MINDY4: variants seen among roughly 807,000 people sequenced by gnomAD.
The protein encoded by MINDY4 is probable ubiquitin carboxyl-terminal hydrolase MINDY-4.
In MINDY4, 68 loss-of-function variants were observed where a neutral mutation model predicts 87.0. That is an observed-to-expected ratio of 0.78 (90% CI 0.64 to 0.96). MINDY4 has a LOEUF of 0.96. Among genes scored for constraint, MINDY4 ranks in the 40% least tolerant of loss-of-function variants. The probability of loss-of-function intolerance (pLI) is 0.00; values close to 1 mark genes in which losing one functional copy is unlikely to be tolerated. For missense variants in MINDY4, 919 were observed against 928.2 expected, an observed-to-expected ratio of 0.99 and a Z score of 0.13; for synonymous variants, 379 against 363.2, an observed-to-expected ratio of 1.04 and a Z score of -0.50.
At chr7:30,788,061 G>A (rs1337711714) in intron 4 of MINDY4, among the ~76,000 whole-genome samples, 1 of 151,912 alleles carries the variant, frequency 6.6e-6, no homozygotes, top group African/African-American at 2.4e-5. Flanking sequence ...GCATTTTTTT[G>A]CAGATCTCTT....
intron 7 of MINDY4, among the ~76,000 whole-genome samples, chr7:30,837,565 C>G (rs1254305615): frequency 1.3e-5 from 2 of 152,188 alleles, no homozygotes; most frequent in East Asian, 3.9e-4. Flanking sequence ...CCCCCTTCTT[C>G]CATTCTCTCT....
At chr7:30,824,180 T>C (rs1307090848) in intron 5 of MINDY4, among the ~76,000 whole-genome samples, 1 of 152,232 alleles carries the variant, frequency 6.6e-6, no homozygotes, top group Non-Finnish European at 1.5e-5. Flanking sequence ...TCACATCTAA[T>C]GAGGGCCTTC....
chr7:30,829,499 C>G (rs953374989), intron 6 of MINDY4, among the ~76,000 whole-genome samples: 1 of 152,210 alleles, frequency 6.6e-6, no homozygotes, highest in Non-Finnish European at 1.5e-5. Context: ...CTCTTCATCT[C>G]CCTTTTGAAC....
chr7:30,846,380 A>G (rs1032713302), intron 9 of MINDY4, among the ~76,000 whole-genome samples: 7 of 152,242 alleles, frequency 4.6e-5, no homozygotes, highest in African/African-American at 1.7e-4. Context: ...AGGATGTATT[A>G]TTCCCTCAAG....
Position 30,850,399 on chromosome 7 carries a change from C to A in MINDY4, c.1446-55C>A, listed in dbSNP as rs1325583697. Reference sequence around the variant, plus strand: ...CCTGACCACACTAAGTAGAGCTGCACCATCTCAACCTTGTGTCCACATGGG... The same window carrying A: ...CCTGACCACACTAAGTAGAGCTGCAACATCTCAACCTTGTGTCCACATGGG... On this transcript the variant is annotated intron_variant, in intron 9 of 17. Transcript: ENST00000265299. 12 of 1,491,890 alleles carry A rather than the reference C, an allele frequency of 8.0e-6. No homozygotes were observed. In the East Asian group the frequency reaches 2.4e-4, roughly 29 times the overall value. 92.4% of individuals were successfully genotyped at this position (1,491,890 alleles called of 1,614,324 possible). A position where few individuals can be genotyped will look rare whatever the true frequency, so the allele number is the denominator to read the frequency against.
At chr7:30,828,875 G>C in intron 6 of MINDY4, 138 bp downstream of exon 6, 1 of 726,582 alleles carries the variant, frequency 1.4e-6, no homozygotes, top group Non-Finnish European at 2.4e-6. Context: ...AGTGAGTAGA[G>C]TAGACTACTC....
intron 17 of MINDY4, among the ~76,000 whole-genome samples, chr7:30,888,041 C>T (rs1320723420): frequency 6.6e-6 from 1 of 152,216 alleles, no homozygotes; most frequent in African/African-American, 2.4e-5. Context: ...GCTTTGAACT[C>T]AGGCCTGCTG....
chr7:30,829,305 T>C (rs1366329489), intron 6 of MINDY4, among the ~76,000 whole-genome samples: 2 of 152,222 alleles, frequency 1.3e-5, no homozygotes, highest in African/African-American at 4.8e-5. Context: ...TCTCTTTCTG[T>C]AATTCCCTAC....
intron 5 of MINDY4, among the ~76,000 whole-genome samples, chr7:30,800,388 G>T (rs1195304679): frequency 6.6e-6 from 1 of 152,224 alleles, no homozygotes; most frequent in Non-Finnish European, 1.5e-5. Context: ...GACATGTGCA[G>T]CCCTCTGCAA....
rs111845293 is a variant in MINDY4, at chr7:30,819,122, C to T, written c.1074-9557C>T. Reference sequence around the variant, plus strand: ...CTCTTTTGGTCTATTCTGTTGTTCTCTTTTGCTGGGGGATGCTTACTTTGC... The same window carrying T: ...CTCTTTTGGTCTATTCTGTTGTTCTTTTTTGCTGGGGGATGCTTACTTTGC... On this transcript the variant is annotated intron_variant, in intron 5 of 17. Coordinates refer to ENST00000265299, the MANE Select transcript of MINDY4 (RefSeq NM_032222.3). Among the ~76,000 whole-genome samples the T allele has an allele frequency of 1.4e-3, 213 of 152,152 alleles. 2 individuals are homozygous for T. Among genetic ancestry groups the T allele is most frequent in the African/African-American group, 5.0e-3 (209 of 41,512 alleles).
intron 3 of MINDY4, among the ~76,000 whole-genome samples, chr7:30,784,045 C>T (rs892060742): frequency 6.6e-6 from 1 of 152,132 alleles, no homozygotes; most frequent in Non-Finnish European, 1.5e-5. Flanking sequence ...AAAAGCACTT[C>T]CTTTCCTGAG....
intron 5 of MINDY4, among the ~76,000 whole-genome samples, chr7:30,807,256 A>C (rs1787840281): frequency 6.6e-6 from 1 of 152,106 alleles, no homozygotes; most frequent in Non-Finnish European, 1.5e-5. Flanking sequence ...TGCTGTATGG[A>C]GGGCAAATGA....
In MINDY4 at chr7:30,804,661, A is replaced by G. The variant is rs537647660; in HGVS notation, c.1073+13087A>G. Among the ~76,000 whole-genome samples the G allele has an allele frequency of 7.9e-5, 12 of 152,322 alleles. No individual in the cohort carries two copies. The South Asian group carries it at 2.5e-3, about 32-fold the overall frequency. On this transcript the variant is annotated intron_variant, in intron 5 of 17. Coordinates refer to ENST00000265299, the MANE Select transcript of MINDY4 (RefSeq NM_032222.3). ...TCCTCACTATCTGACTGGCCCTCTT[A>G]TAGGAGCTTTGGATGTATTACTTCA...
chr7:30,850,052 G>A lies in MINDY4; in HGVS notation c.1446-402G>A, dbSNP rs192898536. Reference sequence around the variant, plus strand: ...CTCCAGAGGCTTGGAGGTGGGCATGGCCAGGGCCAGGGCAGGGTCCTGAGA... The same window carrying A: ...CTCCAGAGGCTTGGAGGTGGGCATGACCAGGGCCAGGGCAGGGTCCTGAGA... On this transcript the variant is annotated intron_variant, in intron 9 of 17. Transcript: ENST00000265299. 4.1e-3 allele frequency among the ~76,000 whole-genome samples: 622 copies of A among 152,316 alleles called. 1 individual carries two copies. Among genetic ancestry groups the A allele is most frequent in the African/African-American group, 0.014 (592 of 41,574 alleles).
chr7:30,882,890 GAC>G lies in MINDY4; in HGVS notation c.2153-29_2153-28del, dbSNP rs1790514909. 6.2e-6 allele frequency: 10 copies of G among 1,605,776 alleles called. No individual in the cohort carries two copies. In the East Asian group the frequency reaches 2.2e-4, roughly 36 times the overall value. ...TCAGGGTGAGTGCAGGGCCCTGGGTGACATGTGTGTGCCTCTCTCCTCCTTCC... is the reference window on the plus strand; with the variant it reads ...TCAGGGTGAGTGCAGGGCCCTGGGTGATGTGTGTGCCTCTCTCCTCCTTCC... On this transcript the variant is annotated intron_variant, in intron 16 of 17. Transcript: ENST00000265299.
chr7:30,838,066 C>A (rs1788915594), intron 7 of MINDY4, among the ~76,000 whole-genome samples: 1 of 152,154 alleles, frequency 6.6e-6, no homozygotes, highest in Non-Finnish European at 1.5e-5. Flanking sequence ...TAGAATCCAC[C>A]TGCTGGTCTT....
intron 17 of MINDY4, among the ~76,000 whole-genome samples, chr7:30,887,094 T>C (rs1790653081): frequency 6.6e-6 from 1 of 152,202 alleles, no homozygotes; most frequent in African/African-American, 2.4e-5. Flanking sequence ...CTGGGTATGA[T>C]GCCTTCGAGG....
intron 5 of MINDY4, among the ~76,000 whole-genome samples, chr7:30,802,368 G>A (rs1285462353): frequency 6.6e-6 from 1 of 152,022 alleles, no homozygotes; most frequent in African/African-American, 2.4e-5. Flanking sequence ...TAGGCTTCTT[G>A]ATTATCTCAC....
intron 9 of MINDY4, among the ~76,000 whole-genome samples, chr7:30,841,211 T>C (rs961854711): frequency 6.6e-6 from 1 of 152,180 alleles, no homozygotes; most frequent in Non-Finnish European, 1.5e-5. Context: ...CTCCCCACGC[T>C]ATCTCCCCTC....
Sources: allele counts gnomAD v4.1 joint callset (sites outside exome capture counted in the v4.1 genomes callset), GRCh38; gene constraint gnomAD v4.1.1; transcripts MANE v1.5; gene names NCBI Gene and HGNC (gene_info 2026-07-23, HGNC 2026-07-21).